Variants in THOC2 observed in about 807,000 individuals in gnomAD.
THOC2 encodes the protein THO complex 2.
In THOC2, 10 loss-of-function variants were observed where a neutral mutation model predicts 128.4. The observed-to-expected ratio is 0.08, with a 90% CI of 0.05 to 0.13. The LOEUF is 0.13. Ranked by LOEUF, THOC2 falls within the 10% of genes least tolerant of loss-of-function variation. The pLI, the probability that THOC2 is intolerant of heterozygous loss-of-function variation, is 1.00. For missense variants in THOC2, 535 were observed against 1,155.7 expected, an observed-to-expected ratio of 0.46 and a Z score of 7.79; for synonymous variants, 393 against 396.9, an observed-to-expected ratio of 0.99 and a Z score of 0.12.
intron 21 of THOC2, among the ~76,000 whole-genome samples, chrX:123,632,170 A>G (rs1471781480): frequency 9.0e-6 from 1 of 111,410 alleles, no homozygotes; most frequent in Non-Finnish European, 1.9e-5. Flanking sequence ...TGCCCTTAAA[A>G]GAAGAAAACT....
chrX:123,656,752 G>A (rs943914642), intron 12 of THOC2, among the ~76,000 whole-genome samples: 1 of 111,040 alleles, frequency 9.0e-6, no homozygotes, highest in Non-Finnish European at 1.9e-5. Context: ...GCTCACGCCT[G>A]TAATTCCAGC....
chrX:123,625,268 A>ATT (rs1332448019), intron 25 of THOC2, among the ~76,000 whole-genome samples: 1 of 102,567 alleles, frequency 9.7e-6, no homozygotes, highest in African/African-American at 3.5e-5. Flanking sequence ...ATTTTTTTGT[A>ATT]TTTTTTTTTT....
intron 33 of THOC2, among the ~76,000 whole-genome samples, chrX:123,615,097 G>A (rs1322760358): frequency 2.7e-5 from 3 of 111,458 alleles, no homozygotes; most frequent in African/African-American, 9.7e-5. Flanking sequence ...ATTTATATCT[G>A]TGCTACAAGC....
intron 26 of THOC2, 100 bp from the exon 27 acceptor site, chrX:123,624,291 ACAT>A: frequency 1.2e-6 from 1 of 851,144 alleles, no homozygotes. Context: ...CCGTGTAAAA[ACAT>A]CATGCGTATT....
At chrX:123,644,268 C>T (rs932991423) in intron 15 of THOC2, among the ~76,000 whole-genome samples, 3 of 111,856 alleles carry the variant, frequency 2.7e-5, no homozygotes, top group African/African-American at 9.8e-5. Context: ...TAAGCAAAGG[C>T]CACAGCAGGC....
intron 1 of THOC2, among the ~76,000 whole-genome samples, chrX:123,722,899 A>G (rs980109670): frequency 8.9e-6 from 1 of 111,962 alleles, no homozygotes. Context: ...GAACTCCAGT[A>G]CAGGCGTGGT....
intron 9 of THOC2, among the ~76,000 whole-genome samples, chrX:123,668,781 AG>A (rs768344411): frequency 3.9e-4 from 44 of 112,376 alleles, no homozygotes; most frequent in Non-Finnish European, 6.8e-4. Context: ...AATTTCAAGT[AG>A]AAAAATTATT....
chrX:123,644,105 T>G (rs1201376005), intron 15 of THOC2, among the ~76,000 whole-genome samples: 1 of 112,390 alleles, frequency 8.9e-6, no homozygotes. Flanking sequence ...ACAAATTTTT[T>G]TAAAAAAGAA....
At chrX:123,651,776 A>G (rs1229628399) in intron 12 of THOC2, among the ~76,000 whole-genome samples, 1 of 107,536 alleles carries the variant, frequency 9.3e-6, no homozygotes, top group Non-Finnish European at 1.9e-5. Context: ...GAATAGACCA[A>G]TAACAAGTTC....
At chrX:123,637,784 G>T (rs1351775407) in intron 18 of THOC2, among the ~76,000 whole-genome samples, 1 of 110,511 alleles carries the variant, frequency 9.0e-6, no homozygotes, top group African/African-American at 3.3e-5. Context: ...ATAAAAAGAA[G>T]GAGATTTCAC....
intron 2 of THOC2, among the ~76,000 whole-genome samples, chrX:123,710,235 G>A (rs1024969762): frequency 7.2e-5 from 8 of 111,642 alleles, no homozygotes; most frequent in African/African-American, 2.3e-4. Context: ...AGCCAATAAG[G>A]CCACACTCAT....
chrX:123,716,469 T>C (rs183829970), intron 1 of THOC2, among the ~76,000 whole-genome samples: 5 of 111,308 alleles, frequency 4.5e-5, no homozygotes, highest in Non-Finnish European at 7.5e-5. Context: ...CTCACGCCTG[T>C]AATCCCAGCA....
chrX:123,709,382 G>A (rs1364556346), intron 2 of THOC2, among the ~76,000 whole-genome samples: 1 of 110,634 alleles, frequency 9.0e-6, no homozygotes, highest in Non-Finnish European at 1.9e-5. Context: ...ACAAGGTAAG[G>A]AGACCGAGAC....
intron 2 of THOC2, among the ~76,000 whole-genome samples, chrX:123,711,042 C>A: frequency 1.0e-5 from 1 of 100,461 alleles, no homozygotes; most frequent in Non-Finnish European, 2.0e-5. Context: ...TTTTATGAAA[C>A]AAGGTTCACT....
chrX:123,621,127 G>T lies in THOC2; in HGVS notation c.4216+30C>A, dbSNP rs759456700. The T allele has an allele frequency of 3.0e-4, 349 of 1,179,478 alleles. No homozygotes were observed. In the South Asian group the frequency reaches 4.0e-3, roughly 14 times the overall value. On this transcript the variant is annotated intron_variant, in intron 31 of 38. Coordinates refer to ENST00000245838, the MANE Select transcript of THOC2 (RefSeq NM_001081550.2). ...CAACTATACATTAAAATAACAAAAC[G>T]TAAGAACGTATAAAGAAAGGTAAAC... is the stretch of plus-strand genomic sequence containing the variant.
At chrX:123,610,506 C>T (rs1276351556) in intron 38 of THOC2, among the ~76,000 whole-genome samples, 3 of 111,419 alleles carry the variant, frequency 2.7e-5, no homozygotes, top group African/African-American at 9.8e-5. Context: ...AGTCAACTGG[C>T]TCTGTTGACT....
intron 1 of THOC2, among the ~76,000 whole-genome samples, chrX:123,715,488 G>GA (rs1176012770): frequency 9.2e-6 from 1 of 109,207 alleles, no homozygotes; most frequent in Non-Finnish European, 1.9e-5. Flanking sequence ...AATTAAAGAA[G>GA]AAAAAAAAAT....
intron 6 of THOC2, 22 bp downstream of exon 6, chrX:123,696,699 A>T: frequency 8.4e-7 from 1 of 1,187,362 alleles, no homozygotes; most frequent in Non-Finnish European, 1.1e-6. Context: ...CTTGATCTGC[A>T]ACATAAGATA....
intron 8 of THOC2, among the ~76,000 whole-genome samples, chrX:123,681,000 C>T (rs1055089649): frequency 9.0e-6 from 1 of 110,830 alleles, no homozygotes; most frequent in Non-Finnish European, 1.9e-5. Context: ...CACAGACACA[C>T]ATGTACACAC....
Sources: gnomAD v4.1 joint callset for allele counts (sites outside exome capture counted in the v4.1 genomes callset) on GRCh38, gnomAD v4.1.1 for gene constraint, MANE v1.5 for transcripts, NCBI Gene and HGNC (gene_info 2026-07-23, HGNC 2026-07-21) for gene names.